INPP5A: variants seen among roughly 807,000 people sequenced by gnomAD.
The protein encoded by INPP5A is inositol polyphosphate-5-phosphatase A.
In INPP5A, 14 loss-of-function variants were observed where a neutral mutation model predicts 65.2. The ratio of observed to expected loss-of-function variants is 0.21; its 90% confidence interval spans 0.14 to 0.34. The LOEUF is 0.34. Ranked by LOEUF, INPP5A falls within the 10% of genes least tolerant of loss-of-function variation. The pLI is 1.00. For synonymous variants in INPP5A, 207 were observed against 208.3 expected (o/e 0.99, Z 0.05); for missense variants, 431 against 545.6 (o/e 0.79, Z 2.09).
intron 1 of INPP5A, among the ~76,000 whole-genome samples, chr10:132,589,284 G>A (rs184562115): frequency 7.9e-4 from 121 of 152,376 alleles, no homozygotes; most frequent in Non-Finnish European, 1.6e-4. Flanking sequence ...GCAGGGCCAC[G>A]TGCGCATGCG....
At chr10:132,598,477 A>G (rs1010869563) in intron 1 of INPP5A, among the ~76,000 whole-genome samples, 3 of 152,222 alleles carry the variant, frequency 2.0e-5, no homozygotes, top group Non-Finnish European at 4.4e-5. Flanking sequence ...GATATCTCAC[A>G]TGAGTGCGAT....
chr10:132,743,608 C>T (rs1292610122), intron 9 of INPP5A, among the ~76,000 whole-genome samples: 2 of 152,210 alleles, frequency 1.3e-5, no homozygotes, highest in Non-Finnish European at 1.5e-5. Flanking sequence ...AGTTTGCTTC[C>T]GAATCAGCAC....
At chr10:132,635,809 T>A (rs950374416) in intron 2 of INPP5A, among the ~76,000 whole-genome samples, 27 of 143,154 alleles carry the variant, frequency 1.9e-4, no homozygotes, top group Non-Finnish European at 3.4e-4. Flanking sequence ...CTCGAAGATT[T>A]AAAAAAAAAA....
chr10:132,652,599 T>C (rs1222225769), intron 4 of INPP5A, among the ~76,000 whole-genome samples: 2 of 152,254 alleles, frequency 1.3e-5, no homozygotes, highest in Non-Finnish European at 1.5e-5. Flanking sequence ...CTCTGCGTGC[T>C]GCCCTGCCAT....
intron 8 of INPP5A, among the ~76,000 whole-genome samples, chr10:132,714,642 C>T (rs1219144052): frequency 1.3e-5 from 2 of 152,196 alleles, no homozygotes; most frequent in African/African-American, 4.8e-5. Flanking sequence ...AGGATGCAGG[C>T]CAGGTTAAAA....
intron 1 of INPP5A, among the ~76,000 whole-genome samples, chr10:132,548,941 C>T (rs1423432078): frequency 3.9e-5 from 6 of 152,084 alleles, no homozygotes; most frequent in Non-Finnish European, 5.9e-5. Context: ...GGGCCACAGG[C>T]GCGGCCACCA....
chr10:132,772,928 C>T (rs533085355), intron 12 of INPP5A, among the ~76,000 whole-genome samples: 3 of 151,968 alleles, frequency 2.0e-5, no homozygotes, highest in African/African-American at 7.3e-5. Context: ...AGCACTGACA[C>T]GGAGGCCACG....
intron 1 of INPP5A, among the ~76,000 whole-genome samples, chr10:132,580,582 A>G (rs2071470369): frequency 6.6e-6 from 1 of 152,224 alleles, no homozygotes; most frequent in African/African-American, 2.4e-5. Context: ...CTTAGGGGAA[A>G]GAGTCACAGG....
intron 11 of INPP5A, 53 bp downstream of exon 11, chr10:132,749,898 C>T: frequency 4.8e-6 from 7 of 1,462,164 alleles, no homozygotes; most frequent in Non-Finnish European, 6.7e-6. Context: ...ATCCACGCCC[C>T]CAGGCCTTCC....
At chr10:132,769,807 C>G (rs909033369) in intron 12 of INPP5A, among the ~76,000 whole-genome samples, 61 of 142,130 alleles carry the variant, frequency 4.3e-4, no homozygotes, top group East Asian at 2.0e-3. Flanking sequence ...AGCTCCCCCC[C>G]CCCAAGTTCC....
chr10:132,664,848 C>T (rs1450563118), intron 4 of INPP5A, among the ~76,000 whole-genome samples: 2 of 152,250 alleles, frequency 1.3e-5, no homozygotes, highest in South Asian at 2.1e-4. Flanking sequence ...CCTGGCCACA[C>T]ATCCCTGTCA....
intron 2 of INPP5A, among the ~76,000 whole-genome samples, chr10:132,612,633 C>A (rs1371840589): frequency 6.6e-6 from 1 of 152,220 alleles, no homozygotes; most frequent in East Asian, 1.9e-4. Context: ...TTTTGCTGAT[C>A]TGGGACAGTG....
At chr10:132,641,658 T>C (rs1226113130) in intron 2 of INPP5A, among the ~76,000 whole-genome samples, 1 of 152,054 alleles carries the variant, frequency 6.6e-6, no homozygotes, top group African/African-American at 2.4e-5. Context: ...TGCGTGGAGG[T>C]AGTTTGATTT....
At chr10:132,716,350 C>T (rs1432360636) in intron 8 of INPP5A, among the ~76,000 whole-genome samples, 1 of 152,226 alleles carries the variant, frequency 6.6e-6, no homozygotes, top group African/African-American at 2.4e-5. Flanking sequence ...TATGTGCCAG[C>T]TGGAGGCAAG....
In INPP5A at chr10:132,716,572, T is replaced by C. The variant is rs184042556; in HGVS notation, c.647+6116T>C. Reference sequence around the variant, plus strand: ...CTTTGGTGGCAGACAGGACGATGCCTGTGCTGGGCCATGGGGGCCGTGTGT... The same window carrying C: ...CTTTGGTGGCAGACAGGACGATGCCCGTGCTGGGCCATGGGGGCCGTGTGT... On this transcript the variant is annotated intron_variant, in intron 8 of 15. Transcript: ENST00000368594. 3.9e-3 allele frequency among the ~76,000 whole-genome samples: 601 copies of C among 152,306 alleles called. 5 individuals carry two copies. The highest frequency in any genetic ancestry group is 6.5e-3 in the Non-Finnish European group (441 of 68,022).
intron 2 of INPP5A, among the ~76,000 whole-genome samples, chr10:132,623,395 AG>A (rs2072133113): frequency 6.6e-6 from 1 of 150,578 alleles, no homozygotes; most frequent in Admixed American, 6.6e-5. Context: ...AGAAAGGAAC[AG>A]TTTTTTTTTT....
chr10:132,742,281 C>T (rs1232425231), intron 9 of INPP5A, among the ~76,000 whole-genome samples: 1 of 152,212 alleles, frequency 6.6e-6, no homozygotes, highest in Admixed American at 6.5e-5. Context: ...TGATGCAGCC[C>T]CGACCTGGGC....
intron 1 of INPP5A, among the ~76,000 whole-genome samples, chr10:132,548,757 T>A (rs1378021239): frequency 6.6e-6 from 1 of 151,946 alleles, no homozygotes; most frequent in African/African-American, 2.4e-5. Flanking sequence ...TCAAGGTTTG[T>A]ATTGATATGC....
At position 132,556,824 on chromosome 10, in the gene INPP5A, C is replaced by T. The variant is rs187835035; in HGVS notation, c.75+18653C>T. 2.4e-4 allele frequency among the ~76,000 whole-genome samples: 36 copies of T among 151,976 alleles called. No homozygotes were observed. In the East Asian group the frequency reaches 6.0e-3, roughly 25 times the overall value. On this transcript the variant is annotated intron_variant, in intron 1 of 15. Transcript: ENST00000368594. The stretch of plus-strand genomic sequence containing the variant: ...ATTTTGATTTTAGAACTTTGGAGCC[C>T]TTGCAGATCTTGTATTTAGGTTGCT...
Sources: gnomAD v4.1 joint callset for allele counts (sites outside exome capture counted in the v4.1 genomes callset) on GRCh38, gnomAD v4.1.1 for gene constraint, MANE v1.5 for transcripts, NCBI Gene and HGNC (gene_info 2026-07-23, HGNC 2026-07-21) for gene names.